The following WHAMM variants were observed in gnomAD, a reference collection of about 807,000 sequenced individuals.
The protein encoded by WHAMM is WASP homolog associated with actin, golgi membranes and microtubules, also known as WASP homolog-associated protein with actin, membranes and microtubules.
A neutral mutation model predicts 76.5 loss-of-function variants in WHAMM; 67 were observed. The ratio of observed to expected loss-of-function variants is 0.88; its 90% CI spans 0.72 to 1.07. The LOEUF (loss-of-function observed/expected upper bound fraction) is 1.07. Among genes scored for constraint, WHAMM ranks in the 50% least tolerant of loss-of-function variants. WHAMM has a pLI of 0.00. For missense variants in WHAMM, 1,021 were observed against 1,051.1 expected, an observed-to-expected ratio of 0.97 and a Z score of 0.40; for synonymous variants, 419 against 422.1, an observed-to-expected ratio of 0.99 and a Z score of 0.09.
At chr15:82,823,064 A>G in intron 5 of WHAMM, 36 bp from the exon 6 acceptor site, 1 of 1,134,102 alleles carries the variant, frequency 8.8e-7, no homozygotes, top group South Asian at 3.1e-5. Context: ...TTAAAATAAT[A>G]AAATATGTTT....
At position 82,833,889 on chromosome 15, in the gene WHAMM, C is replaced by G. The variant is rs952575275; in HGVS notation, c.*353C>G. 9.6e-6 allele frequency: 2 copies of G among 207,410 alleles called. No individual in the cohort carries two copies. Among genetic ancestry groups the G allele is most frequent in the Non-Finnish European group, 2.0e-5 (2 of 101,218 alleles). The allele number at this position is 207,410 out of a possible 1,614,324, so 12.8% of individuals were successfully genotyped here. A position where few individuals can be genotyped will look rare whatever the true frequency, so the allele number is the denominator to read the frequency against. On this transcript the variant is annotated 3_prime_UTR_variant, in exon 10 of 10. Coordinates refer to ENST00000286760, the MANE Select transcript of WHAMM (RefSeq NM_001080435.3). ...CGAGTAGCTGGGACTACAGGCGCCACCACCTTGCCCAACTAATTTTTTGTA... is the reference window on the plus strand; with the variant it reads ...CGAGTAGCTGGGACTACAGGCGCCAGCACCTTGCCCAACTAATTTTTTGTA...
chr15:82,819,532 T>A (rs766460766), intron 5 of WHAMM, 44 bp downstream of exon 5: 56 of 1,028,146 alleles, frequency 5.4e-5, no homozygotes, highest in Non-Finnish European at 6.5e-5. Flanking sequence ...ATTATAAATT[T>A]AAGGAAATAC....
Position 82,810,213 on chromosome 15 carries a change from GC to G in WHAMM, c.489del (p.Thr164GlnfsTer52). 7.1e-7 allele frequency: 1 copy of G among 1,412,356 alleles called. No homozygotes were observed. Among genetic ancestry groups the G allele is most frequent in the Non-Finnish European group, 9.2e-7 (1 of 1,081,110 alleles). The allele number at this position is 1,412,356 out of a possible 1,614,324, so 87.5% of individuals were successfully genotyped here. Reference protein sequence around the residue: ...LGAAADGCGGATVRDALFPAE... With the variant: ...LGAAADGCGGXTVRDALFPAE... ...CGCGGCGGCCGACGGCTGCGGCGGC[GC>G]CACAGTGCGCGACGCACTCTTCCCG... On this transcript the variant is annotated frameshift_variant, in exon 1 of 10. Transcript: ENST00000286760. LOFTEE classifies it high-confidence loss of function.
chr15:82,820,887 ACT>A (rs1243805036), intron 5 of WHAMM, among the ~76,000 whole-genome samples: 1 of 138,902 alleles, frequency 7.2e-6, no homozygotes, highest in Non-Finnish European at 1.5e-5. Flanking sequence ...AGAGTGTAAG[ACT>A]CTGTCTCAAA....
chr15:82,813,016 TGAA>T, intron 1 of WHAMM, 84 bp from the exon 2 acceptor site: 1 of 1,032,080 alleles, frequency 9.7e-7, no homozygotes. Flanking sequence ...GTTGAGAACA[TGAA>T]GGTTTCTTTT....
In WHAMM at chr15:82,835,252, G is replaced by C. The variant is rs1045035232; in HGVS notation, c.*1716G>C. The C allele has an allele frequency of 6.6e-6, 1 of 152,078 alleles. No homozygotes were observed. Among genetic ancestry groups the C allele is most frequent in the Non-Finnish European group, 1.5e-5 (1 of 68,096 alleles). The allele number at this position is 152,078 out of a possible 1,614,324, so 9.4% of individuals were successfully genotyped here. A position where few individuals can be genotyped will look rare whatever the true frequency, so the allele number is the denominator to read the frequency against. On this transcript the variant is annotated 3_prime_UTR_variant, in exon 10 of 10. Transcript: ENST00000286760. ...AGTGATTCTCCTGCCTCAGCCTCTCGAGTAGCTGGGACTACAGGCGTGTGC... is the reference window on the plus strand; with the variant it reads ...AGTGATTCTCCTGCCTCAGCCTCTCCAGTAGCTGGGACTACAGGCGTGTGC...
chr15:82,831,773 G>A (rs917461848), intron 9 of WHAMM, among the ~76,000 whole-genome samples: 2 of 152,336 alleles, frequency 1.3e-5, no homozygotes, highest in South Asian at 2.1e-4. Flanking sequence ...TAGACTTGGA[G>A]CCTACTTCTT....
At chr15:82,826,352 TTA>T (rs757100367) in intron 6 of WHAMM, 56 bp from the exon 7 acceptor site, 48 of 1,574,638 alleles carry the variant, frequency 3.0e-5, no homozygotes, top group Non-Finnish European at 3.6e-5. Context: ...TTTTAATCTT[TTA>T]TGCTATACCA....
At position 82,829,702 on chromosome 15, in the gene WHAMM, G is replaced by T. The variant is rs562038850; in HGVS notation, c.1642-897G>T. Among the ~76,000 whole-genome samples, 4 of 152,044 alleles carry T rather than the reference G, an allele frequency of 2.6e-5. No individual in the cohort carries two copies. The East Asian group carries it at 7.7e-4, about 29-fold the overall frequency. ...CTTGAGTTTATCATGGATTGCATGG[G>T]GGGGGTGTGTGTGTGTTTAGGTTTG... On this transcript the variant is annotated intron_variant, in intron 8 of 9. Transcript: ENST00000286760.
At chr15:82,819,518 T>A (rs773164335) in intron 5 of WHAMM, 30 bp downstream of exon 5, 1 of 1,089,964 alleles carries the variant, frequency 9.2e-7, no homozygotes, top group South Asian at 1.8e-5. Flanking sequence ...ATTGCAATGT[T>A]TAAATTATAA....
At chr15:82,832,836 A>G (rs2051053046) in intron 9 of WHAMM, among the ~76,000 whole-genome samples, 2 of 152,182 alleles carry the variant, frequency 1.3e-5, no homozygotes, top group South Asian at 4.1e-4. Context: ...AATGAAGGAG[A>G]TACAGCTTCA....
chr15:82,826,538 G>A lies in WHAMM; in HGVS notation c.1545+42G>A, dbSNP rs373995493. The A allele has an allele frequency of 2.1e-5, 33 of 1,599,238 alleles. No homozygotes were observed. The Admixed American group carries it at 3.0e-4, about 15-fold the overall frequency. On this transcript the variant is annotated intron_variant, in intron 7 of 9. Transcript: ENST00000286760. ...GGAAAATGTTCTATGTTTGTGTAGC[G>A]TGACATGCAGGCCTAGACTTGTGGA... is the stretch of plus-strand genomic sequence containing the variant.
At position 82,809,827 on chromosome 15, in the gene WHAMM, G is replaced by A. The variant is rs1461848054; in HGVS notation, c.101G>A (p.Trp34Ter). The A allele has an allele frequency of 2.5e-6, 4 of 1,605,144 alleles. No individual in the cohort carries two copies. The highest frequency in any genetic ancestry group is 3.4e-6 in the Non-Finnish European group (4 of 1,176,904). Residue 34 changes from tryptophan to a stop codon, truncating the protein, a stop_gained, in exon 1 of 10, where the codon TGG (tryptophan) becomes TAG (stop). Transcript: ENST00000286760. LOFTEE classifies it high-confidence loss of function. ...ERHRLRFLVA[W>*]NGAEGKFAVT... ...CACCGGCTGCGCTTCCTGGTGGCCT[G>A]GAACGGCGCGGAGGGCAAGTTCGCT...
At chr15:82,811,950 G>A (rs1388789095) in intron 1 of WHAMM, among the ~76,000 whole-genome samples, 2 of 151,986 alleles carry the variant, frequency 1.3e-5, no homozygotes, top group Admixed American at 1.3e-4. Context: ...GAGAATTTAA[G>A]AATGTATTGG....
rs2051070046 is a variant in WHAMM, at chr15:82,833,404, CA to C, written c.2301del (p.Lys767AsnfsTer58). 1.2e-6 allele frequency: 2 copies of C among 1,613,874 alleles called. No individual in the cohort carries two copies. Among genetic ancestry groups the C allele is most frequent in the Non-Finnish European group, 1.7e-6 (2 of 1,179,906 alleles). On this transcript the variant is annotated frameshift_variant, in exon 10 of 10. Coordinates refer to ENST00000286760, the MANE Select transcript of WHAMM (RefSeq NM_001080435.3). LOFTEE classifies it high-confidence loss of function. ...CTGATCTTGGCCCAAACCCCAGCAG[CA>C]AACCAACCAGCAACAGACGCACCAG... The part of the protein sequence containing the change: ...HPDLGPNPSS[K>X]PTSNRRTSDL...
At chr15:82,826,873 C>G (rs1304344977) in intron 8 of WHAMM, 27 bp downstream of exon 8, 4 of 1,533,384 alleles carry the variant, frequency 2.6e-6, no homozygotes, top group South Asian at 1.2e-5. Context: ...ATCACCTCAT[C>G]TACACTTCTG....
intron 3 of WHAMM, among the ~76,000 whole-genome samples, chr15:82,817,499 C>T (rs1436859605): frequency 2.0e-5 from 3 of 152,140 alleles, no homozygotes; most frequent in Admixed American, 6.5e-5. Context: ...CAGAAAACTA[C>T]GTAGCTGTTA....
chr15:82,809,726 C>G lies in WHAMM; in HGVS notation c.-1C>G. On this transcript the variant is annotated 5_prime_UTR_variant, in exon 1 of 10. Transcript: ENST00000286760. The stretch of plus-strand genomic sequence containing the variant: ...CCCTAGGGCCGCTGCTGCCGACAGC[C>G]ATGGAGGACGAGCAGCCTGACAGCC... The G allele has an allele frequency of 6.7e-7, 1 of 1,502,988 alleles. No individual in the cohort carries two copies. The allele number at this position is 1,502,988 out of a possible 1,614,324, so 93.1% of individuals were successfully genotyped here.
At position 82,809,751 on chromosome 15, in the gene WHAMM, C is replaced by T. The variant is rs1452786501; in HGVS notation, c.25C>T (p.Leu9=). 5.7e-6 allele frequency: 9 copies of T among 1,565,538 alleles called. No individual in the cohort carries two copies. Among genetic ancestry groups the T allele is most frequent in the Non-Finnish European group, 7.8e-6 (9 of 1,156,454 alleles). The change falls in exon 1 of 10, where the codon CTG becomes TTG. Residue 9 remains leucine (L), a synonymous_variant. Transcript: ENST00000286760. MEDEQPDS[L]EGWVPVREGL... ...CATGGAGGACGAGCAGCCTGACAGC[C>T]TGGAGGGCTGGGTGCCGGTCCGGGA...
Sources: gnomAD v4.1 joint callset for allele counts (sites outside exome capture counted in the v4.1 genomes callset) on GRCh38, gnomAD v4.1.1 for gene constraint, MANE v1.5 for transcripts, NCBI Gene and HGNC (gene_info 2026-07-23, HGNC 2026-07-21) for gene names.